Variants in ST6GALNAC3 observed in about 807,000 individuals in gnomAD.
ST6GALNAC3 encodes the protein ST6 N-acetylgalactosaminide alpha-2,6-sialyltransferase 3.
A neutral mutation model predicts 32.7 loss-of-function variants in ST6GALNAC3; 25 were observed. That is an observed-to-expected ratio of 0.76 (90% CI 0.56 to 1.07). The LOEUF (loss-of-function observed/expected upper bound fraction) is 1.07, where lower values mean the gene tolerates loss of function less well. ST6GALNAC3 is among the 50% of genes least tolerant of loss of function. The pLI is 0.00. For missense variants in ST6GALNAC3, 355 were observed against 382.4 expected, an observed-to-expected ratio of 0.93 and a Z score of 0.60; for synonymous variants, 129 against 133.1, an observed-to-expected ratio of 0.97 and a Z score of 0.21.
chr1:76,332,012 A>G (rs968318115), intron 2 of ST6GALNAC3, among the ~76,000 whole-genome samples: 2 of 152,226 alleles, frequency 1.3e-5, no homozygotes, highest in African/African-American at 2.4e-5. Context: ...CCTGTTAATC[A>G]GGTCAGATTT....
At chr1:76,271,418 C>T (rs1658838280) in intron 1 of ST6GALNAC3, among the ~76,000 whole-genome samples, 1 of 152,104 alleles carries the variant, frequency 6.6e-6, no homozygotes, top group Admixed American at 6.5e-5. Context: ...CACTCTATAC[C>T]AGGTTGTATT....
chr1:76,397,820 T>C (rs1653092532), intron 2 of ST6GALNAC3, among the ~76,000 whole-genome samples: 1 of 152,204 alleles, frequency 6.6e-6, no homozygotes, highest in Non-Finnish European at 1.5e-5. Context: ...TTTGCTGATG[T>C]ACTGTTGGCG....
intron 1 of ST6GALNAC3, among the ~76,000 whole-genome samples, chr1:76,137,943 C>T (rs1311187250): frequency 6.6e-6 from 1 of 152,218 alleles, no homozygotes; most frequent in African/African-American, 2.4e-5. Flanking sequence ...ACTTGGAAAC[C>T]TCACTGTAAC....
At chr1:76,171,066 T>C (rs1652459907) in intron 1 of ST6GALNAC3, among the ~76,000 whole-genome samples, 2 of 151,806 alleles carry the variant, frequency 1.3e-5, no homozygotes, top group Admixed American at 1.3e-4. Flanking sequence ...TGTTTTTAAC[T>C]GAACAGTTAT....
intron 1 of ST6GALNAC3, among the ~76,000 whole-genome samples, chr1:76,306,806 A>G (rs1354569253): frequency 6.6e-6 from 1 of 151,840 alleles, no homozygotes; most frequent in African/African-American, 2.4e-5. Flanking sequence ...TAATAAAAAA[A>G]CTCATTGAGT....
rs199754738 is a variant in ST6GALNAC3, at chr1:76,628,711, G to A, written c.823G>A (p.Gly275Arg). 6.8e-6 allele frequency: 11 copies of A among 1,612,434 alleles called. No individual in the cohort carries two copies. In the African/African-American group the frequency reaches 1.5e-4, roughly 22 times the overall value. The change falls in exon 5 of 5, where the codon GGG becomes AGG. Residue 275 changes from glycine to arginine, a missense_variant. Transcript: ENST00000328299. ...EYFLHEHAPY[G>R]GHRFITEKKV... is the part of the protein sequence containing the mutation. ...TTTTCTTCATGAACATGCCCCATAT[G>A]GGGGTCATAGGTTTATCACTGAAAA...
Position 76,628,697 on chromosome 1 carries a change from A to T in ST6GALNAC3, c.809A>T (p.Glu270Val), listed in dbSNP as rs761723044. The T allele has an allele frequency of 6.2e-7, 1 of 1,612,450 alleles. No individual in the cohort carries two copies. The highest frequency in any genetic ancestry group is 1.1e-5 in the South Asian group (1 of 91,024). The change falls in exon 5 of 5, where the codon GAA becomes GTA. Residue 270 changes from glutamate (E) to valine (V), a missense_variant. Coordinates refer to ENST00000328299, the MANE Select transcript of ST6GALNAC3 (RefSeq NM_152996.4). ...RDECDEYFLHEHAPYGGHRFI... is the reference protein window; with the variant it reads ...RDECDEYFLHVHAPYGGHRFI... ...GAGTGTGATGAATATTTTCTTCATGAACATGCCCCATATGGGGGTCATAGG... is the reference window on the plus strand; with the variant it reads ...GAGTGTGATGAATATTTTCTTCATGTACATGCCCCATATGGGGGTCATAGG...
intron 3 of ST6GALNAC3, among the ~76,000 whole-genome samples, chr1:76,484,932 AG>A (rs1290911741): frequency 1.3e-5 from 2 of 152,116 alleles, no homozygotes; most frequent in African/African-American, 4.8e-5. Context: ...TTAGCATGAA[AG>A]GCTGTTGAAT....
Position 76,509,889 on chromosome 1 carries a change from T to C in ST6GALNAC3, c.623+97472T>C, listed in dbSNP as rs1661735248. Among the ~76,000 whole-genome samples the C allele has an allele frequency of 6.6e-6, 1 of 152,242 alleles. No homozygotes were observed. Among genetic ancestry groups the C allele is most frequent in the Non-Finnish European group, 1.5e-5 (1 of 68,036 alleles). ...TTCAAATTCAAGATCCTTAATTTAA[T>C]TGCACCTATGAAGTCCTTTTTGGCA... On this transcript the variant is annotated intron_variant, in intron 3 of 4. Coordinates refer to ENST00000328299, the MANE Select transcript of ST6GALNAC3 (RefSeq NM_152996.4). This position sits in a 1 kb window ranked among gnomAD's most constrained non-coding sequence, Gnocchi z 5.5.
chr1:76,225,117 C>A (rs1655994202), intron 1 of ST6GALNAC3, among the ~76,000 whole-genome samples: 1 of 151,974 alleles, frequency 6.6e-6, no homozygotes, highest in African/African-American at 2.4e-5. Flanking sequence ...ACAGTACCCA[C>A]CTGCTAATCT....
At position 76,632,842 on chromosome 1, in the gene ST6GALNAC3, A is replaced by G. The variant is rs1258886258; in HGVS notation, c.*4036A>G. The G allele has an allele frequency of 6.6e-6, 1 of 151,964 alleles. No homozygotes were observed. The highest frequency in any genetic ancestry group is 1.5e-5 in the Non-Finnish European group (1 of 67,934). The allele number at this position is 151,964 out of a possible 1,614,324, so 9.4% of individuals were successfully genotyped here. A position where few individuals can be genotyped will look rare whatever the true frequency, so the allele number is the denominator to read the frequency against. On this transcript the variant is annotated 3_prime_UTR_variant, in exon 5 of 5. Transcript: ENST00000328299. The stretch of plus-strand genomic sequence containing the variant: ...GTGCCCATCTAGCCTTTAATGTGAC[A>G]TGTCAAATGCAAATAATAAATTATG...
intron 3 of ST6GALNAC3, among the ~76,000 whole-genome samples, chr1:76,559,210 A>T (rs1025908404): frequency 2.0e-5 from 3 of 152,188 alleles, no homozygotes; most frequent in African/African-American, 7.2e-5. Flanking sequence ...CCACTACCAT[A>T]GATGACGGGA....
intron 2 of ST6GALNAC3, among the ~76,000 whole-genome samples, chr1:76,360,038 G>A (rs1437972059): frequency 6.6e-6 from 1 of 152,120 alleles, no homozygotes; most frequent in African/African-American, 2.4e-5. Flanking sequence ...AAAGAAATTG[G>A]TAACTAATAG....
At chr1:76,164,160 T>C (rs1314983168) in intron 1 of ST6GALNAC3, among the ~76,000 whole-genome samples, 1 of 152,188 alleles carries the variant, frequency 6.6e-6, no homozygotes, top group African/African-American at 2.4e-5. Context: ...TCTGTGATAC[T>C]GAGCCCCAGA....
intron 1 of ST6GALNAC3, among the ~76,000 whole-genome samples, chr1:76,106,130 G>T (rs992373995): frequency 1.6e-4 from 25 of 152,132 alleles, no homozygotes; most frequent in African/African-American, 6.0e-4. Context: ...AAAACACCTG[G>T]CATAGGGCCT....
In ST6GALNAC3 at chr1:76,421,643, C is replaced by T. The variant is rs115003967; in HGVS notation, c.623+9226C>T. Among the ~76,000 whole-genome samples the T allele has an allele frequency of 2.9e-3, 443 of 152,124 alleles. 4 individuals are homozygous for T. In the South Asian group the frequency reaches 0.033, roughly 11 times the overall value. On this transcript the variant is annotated intron_variant, in intron 3 of 4. Transcript: ENST00000328299. ...TCTCTACCAAACTTTAAATTGCCCT[C>T]CAGAAAATATTTTCTTCTTTGGTAA...
intron 1 of ST6GALNAC3, among the ~76,000 whole-genome samples, chr1:76,105,556 G>A (rs1208816044): frequency 2.0e-5 from 3 of 152,142 alleles, no homozygotes; most frequent in African/African-American, 7.2e-5. Context: ...TCAACTCAGG[G>A]CTCTCTCCAC....
At chr1:76,093,737 A>C (rs1455296266) in intron 1 of ST6GALNAC3, among the ~76,000 whole-genome samples, 1 of 152,224 alleles carries the variant, frequency 6.6e-6, no homozygotes, top group African/African-American at 2.4e-5. Context: ...GGAATCTGCA[A>C]ACTAACCTCA....
At chr1:76,256,181 A>T (rs1165267145) in intron 1 of ST6GALNAC3, among the ~76,000 whole-genome samples, 1 of 152,180 alleles carries the variant, frequency 6.6e-6, no homozygotes, top group Non-Finnish European at 1.5e-5. Context: ...ACTGTTTGAC[A>T]TGTTATAAGA....
Sources: allele counts gnomAD v4.1 joint callset (sites outside exome capture counted in the v4.1 genomes callset), GRCh38; gene constraint gnomAD v4.1.1; non-coding constraint Gnocchi (gnomAD v3.1); transcripts MANE v1.5; gene names NCBI Gene and HGNC (gene_info 2026-07-23, HGNC 2026-07-21).